PDE10A: variants seen among roughly 807,000 people sequenced by gnomAD.
PDE10A encodes the protein phosphodiesterase 10A, also known as cAMP and cAMP-inhibited cGMP 3',5'-cyclic phosphodiesterase 10A.
Under a neutral mutation model 97.7 loss-of-function variants are expected in PDE10A, and 39 were observed. The observed-to-expected ratio is 0.40, with a 90% CI of 0.31 to 0.52. PDE10A has a LOEUF of 0.52. Among genes scored for constraint, PDE10A ranks in the 20% least tolerant of loss-of-function variants. The pLI, the probability that PDE10A is intolerant of heterozygous loss-of-function variation, is 0.56. For synonymous variants in PDE10A, 371 were observed against 376.8 expected, an observed-to-expected ratio of 0.98 and a Z score of 0.18; for missense variants, 731 against 1,047.8, an observed-to-expected ratio of 0.70 and a Z score of 4.17.
At chr6:165,887,086 G>T (rs1307541518) in intron 1 of PDE10A, among the ~76,000 whole-genome samples, 1 of 152,138 alleles carries the variant, frequency 6.6e-6, no homozygotes, top group African/African-American at 2.4e-5. Flanking sequence ...ATCTACAAAA[G>T]AAAAGAAAAA....
intron 1 of PDE10A, among the ~76,000 whole-genome samples, chr6:165,597,432 T>C (rs990788394): frequency 6.6e-6 from 1 of 152,218 alleles, no homozygotes; most frequent in East Asian, 1.9e-4. Context: ...AGTAAGCCAA[T>C]GAGTCTTTGG....
chr6:165,367,024 C>T (rs567065151), intron 18 of PDE10A, among the ~76,000 whole-genome samples: 73 of 152,042 alleles, frequency 4.8e-4, no homozygotes, highest in Admixed American at 8.5e-4. Flanking sequence ...AATCAGTCAA[C>T]AAGACAAAAC....
At chr6:165,839,846 C>CTCT (rs1361503707) in intron 1 of PDE10A, among the ~76,000 whole-genome samples, 2 of 143,612 alleles carry the variant, frequency 1.4e-5, no homozygotes, top group African/African-American at 2.6e-5. Flanking sequence ...CCATTCTTAT[C>CTCT]ATCTCCATCC....
intron 3 of PDE10A, among the ~76,000 whole-genome samples, chr6:165,463,445 G>A (rs1436939357): frequency 6.6e-6 from 1 of 152,208 alleles, no homozygotes; most frequent in Non-Finnish European, 1.5e-5. Context: ...GCAAGGAACT[G>A]GAGTGCTTAA....
intron 1 of PDE10A, among the ~76,000 whole-genome samples, chr6:165,638,596 T>C (rs991943473): frequency 2.6e-5 from 4 of 152,182 alleles, no homozygotes; most frequent in Admixed American, 2.6e-4. Context: ...GCCACATCAC[T>C]ACACAGATAA....
chr6:165,734,995 AG>A (rs1562710310), intron 1 of PDE10A, among the ~76,000 whole-genome samples: 1,587 of 145,002 alleles, frequency 0.011, 25 homozygotes, highest in African/African-American at 0.025. Context: ...GATAGATAGT[AG>A]GTAGGTAGGT....
chr6:165,904,273 G>A (rs578073517), intron 1 of PDE10A, among the ~76,000 whole-genome samples: 1 of 152,300 alleles, frequency 6.6e-6, no homozygotes, highest in African/African-American at 2.4e-5. Flanking sequence ...GCTGGTCTGT[G>A]TTGGGGTGAG....
At chr6:165,333,792 C>A (rs1242921941) in intron 21 of PDE10A, among the ~76,000 whole-genome samples, 1 of 152,198 alleles carries the variant, frequency 6.6e-6, no homozygotes, top group Non-Finnish European at 1.5e-5. Flanking sequence ...TCTCTAACTG[C>A]GTGATCACAA....
chr6:165,676,095 G>A (rs1444533714), intron 1 of PDE10A, among the ~76,000 whole-genome samples: 1 of 152,146 alleles, frequency 6.6e-6, no homozygotes, highest in African/African-American at 2.4e-5. Flanking sequence ...GGTGAAACTG[G>A]AGGCCATTAT....
rs1784814309 is a variant in PDE10A, at chr6:165,567,114, T to C, written c.866-23546A>G. Reference sequence around the variant, plus strand: ...CACACAATGGAATATCATACAATAATGAGAACAAACTATTCAGAACTGCAT... The same window carrying C: ...CACACAATGGAATATCATACAATAACGAGAACAAACTATTCAGAACTGCAT... On this transcript the variant is annotated intron_variant, in intron 1 of 21. Transcript: ENST00000539869. 2.0e-5 allele frequency among the ~76,000 whole-genome samples: 3 copies of C among 152,220 alleles called. No individual in the cohort carries two copies. In the South Asian group the frequency reaches 6.2e-4, roughly 32 times the overall value.
Position 165,691,194 on chromosome 6 carries a change from T to TA in PDE10A, c.-614-147627_-614-147626insT, listed in dbSNP as rs1562687254. Among the ~76,000 whole-genome samples the TA allele has an allele frequency of 5.7e-4, 29 of 51,312 alleles. 2 individuals carry two copies. Among genetic ancestry groups the TA allele is most frequent in the African/African-American group, 2.6e-3 (28 of 10,638 alleles). 33.7% of individuals were successfully genotyped at this position (51,312 alleles called of 152,430 possible). A position where few individuals can be genotyped will look rare whatever the true frequency, so the allele number is the denominator to read the frequency against. On this transcript the variant is annotated intron_variant, in intron 1 of 19. Coordinates refer to the PDE10A transcript ENST00000366882. ...CTTTCTCTCTCTCTCTCTCCCTCTC[T>TA]CTCTCTCCCCACACACACACACACA...
chr6:165,523,239 C>A (rs187233669), intron 2 of PDE10A, among the ~76,000 whole-genome samples: 6 of 152,036 alleles, frequency 3.9e-5, no homozygotes, highest in African/African-American at 9.7e-5. Context: ...AAACTATCAA[C>A]GTCATTTTTC....
chr6:165,906,590 G>A (rs1186693870), intron 1 of PDE10A, among the ~76,000 whole-genome samples: 1 of 152,202 alleles, frequency 6.6e-6, no homozygotes, highest in Admixed American at 6.5e-5. Flanking sequence ...ACAAAGCAAG[G>A]TGAAAGAATG....
At chr6:165,398,536 C>T (rs1207567819) in intron 13 of PDE10A, among the ~76,000 whole-genome samples, 1 of 150,648 alleles carries the variant, frequency 6.6e-6, no homozygotes. Flanking sequence ...TGTTCTTAAA[C>T]ATTACACTTA....
chr6:165,835,930 C>T (rs1466156580), intron 1 of PDE10A, among the ~76,000 whole-genome samples: 1 of 152,200 alleles, frequency 6.6e-6, no homozygotes, highest in Non-Finnish European at 1.5e-5. Context: ...TCAGCCTCGC[C>T]CCACGCTGTC....
intron 1 of PDE10A, among the ~76,000 whole-genome samples, chr6:165,806,357 G>T (rs1779140310): frequency 6.6e-6 from 1 of 152,184 alleles, no homozygotes; most frequent in African/African-American, 2.4e-5. Flanking sequence ...TGTAGGGCTG[G>T]CTGCTCCATC....
At chr6:165,974,484 C>G (rs1784790825) in intron 1 of PDE10A, among the ~76,000 whole-genome samples, 1 of 152,164 alleles carries the variant, frequency 6.6e-6, no homozygotes, top group Non-Finnish European at 1.5e-5. Context: ...TAGAAATTCA[C>G]AAGGGCCTCC....
intron 1 of PDE10A, among the ~76,000 whole-genome samples, chr6:165,909,687 C>T (rs1242910480): frequency 1.1e-4 from 16 of 152,198 alleles, no homozygotes; most frequent in Admixed American, 9.2e-4. Flanking sequence ...GCTCCTCTTG[C>T]CTAGCACAAG....
chr6:165,734,992 A>AGATAGTAG (rs1377277660), intron 1 of PDE10A, among the ~76,000 whole-genome samples: 5 of 143,648 alleles, frequency 3.5e-5, no homozygotes, highest in South Asian at 2.2e-4. Flanking sequence ...ATAGATAGAT[A>AGATAGTAG]GTAGGTAGGT....
Sources: gnomAD v4.1 joint callset for allele counts (sites outside exome capture counted in the v4.1 genomes callset) on GRCh38, gnomAD v4.1.1 for gene constraint, MANE v1.5 for transcripts, NCBI Gene and HGNC (gene_info 2026-07-23, HGNC 2026-07-21) for gene names.